TMEM181: variants seen among roughly 807,000 people sequenced by gnomAD.
TMEM181 encodes G protein-coupled receptor 178.
TMEM181 carries 39 observed loss-of-function variants against 71.9 expected under a neutral mutation model. That is an observed-to-expected ratio of 0.54 (90% CI 0.42 to 0.71). The LOEUF (loss-of-function observed/expected upper bound fraction) is 0.71, where lower values mean the gene tolerates loss of function less well. Among genes scored for constraint, TMEM181 ranks in the 30% least tolerant of loss-of-function variants. TMEM181 has a pLI of 0.00. For synonymous variants in TMEM181, 245 were observed against 228.8 expected (o/e 1.07, Z -0.64); for missense variants, 595 against 583.0 (o/e 1.02, Z -0.21).
chr6:158,560,003 G>A, upstream of TMEM181: 1 of 975,912 alleles, frequency 1.0e-6, no homozygotes, highest in Non-Finnish European at 1.2e-6. Context: ...CCCTCGCCGC[G>A]CGCCCGCGGC....
upstream of TMEM181, among the ~76,000 whole-genome samples, chr6:158,555,107 T>C (rs1781837500): frequency 6.6e-6 from 1 of 152,242 alleles, no homozygotes; most frequent in Admixed American, 6.5e-5. Context: ...CAAATGTATC[T>C]TTTGTTTGCC....
rs1320563097 is a variant in TMEM181 at position 158,608,679 on chromosome 6, T to G, written c.825T>G (p.Thr275=). ...IRVQGERKCL[T]FYLPKFFIVG... is the part of the protein sequence containing the mutation. ...TTTAGGGAGAAAGAAAGTGTTTAAC[T>G]TTCTATTTGCCTAAATTCTTCATTG... Residue 275 remains threonine (T), a synonymous_variant, in exon 10 of 17, where the codon ACT becomes ACG. Coordinates refer to ENST00000684151, the MANE Select transcript of TMEM181 (RefSeq NM_001376852.1). The G allele has an allele frequency of 6.2e-7, 1 of 1,610,888 alleles. No individual in the cohort carries two copies. The highest frequency in any genetic ancestry group is 8.5e-7 in the Non-Finnish European group (1 of 1,179,302).
At chr6:158,587,572 C>T (rs1783839303) in intron 5 of TMEM181, among the ~76,000 whole-genome samples, 1 of 151,878 alleles carries the variant, frequency 6.6e-6, no homozygotes, top group African/African-American at 2.4e-5. Flanking sequence ...TCAAGCAATC[C>T]TCCTGCTTCA....
intron 1 of TMEM181, among the ~76,000 whole-genome samples, chr6:158,541,670 A>G (rs1411297424): frequency 2.0e-5 from 3 of 152,134 alleles, no homozygotes; most frequent in Non-Finnish European, 4.4e-5. Context: ...ATCAGGTTAC[A>G]TTCAGGTTTA....
chr6:158,563,541 A>C (rs1782308385), intron 1 of TMEM181, among the ~76,000 whole-genome samples: 1 of 152,220 alleles, frequency 6.6e-6, no homozygotes, highest in Admixed American at 6.5e-5. Context: ...CCTAACCACC[A>C]GGCTGCACTG....
At chr6:158,586,221 C>G (rs1783765764) in intron 5 of TMEM181, among the ~76,000 whole-genome samples, 1 of 152,146 alleles carries the variant, frequency 6.6e-6, no homozygotes, top group South Asian at 2.1e-4. Flanking sequence ...GTTCAGAGTC[C>G]AAAGAATCAG....
At chr6:158,625,913 C>T (rs529802663) in intron 13 of TMEM181, among the ~76,000 whole-genome samples, 159 bp downstream of exon 13, 2 of 152,310 alleles carry the variant, frequency 1.3e-5, no homozygotes, top group South Asian at 4.1e-4. Context: ...CAGCCGAGAG[C>T]AGCCGTCAGC....
rs528122139 is a variant in TMEM181, at chr6:158,571,499, C to T, written c.9-1921C>T. 1.5e-4 allele frequency among the ~76,000 whole-genome samples: 21 copies of T among 140,838 alleles called. 3 individuals are homozygous for T. Among genetic ancestry groups the T allele is most frequent in the African/African-American group, 2.5e-4 (10 of 39,228 alleles). The allele number at this position is 140,838 out of a possible 152,430, so 92.4% of individuals were successfully genotyped here. A position where few individuals can be genotyped will look rare whatever the true frequency, so the allele number is the denominator to read the frequency against. On this transcript the variant is annotated intron_variant, in intron 1 of 16. Transcript: ENST00000684151. ...ATTTTTAGTAGAGACGGGGTTTCAT[C>T]GTGTTGGCCAGGATGGTCTCAATCT...
intron 6 of TMEM181, among the ~76,000 whole-genome samples, chr6:158,605,052 T>A (rs1784866746): frequency 6.7e-6 from 1 of 150,122 alleles, no homozygotes; most frequent in South Asian, 2.1e-4. Context: ...AGGCGGAGGT[T>A]GCAGTGAGCG....
chr6:158,631,783 C>A, intron 16 of TMEM181, 27 bp from the exon 17 acceptor site: 2 of 1,576,526 alleles, frequency 1.3e-6, no homozygotes, highest in Non-Finnish European at 1.7e-6. Context: ...AGAAGTTAGA[C>A]GGTCTCAAAG....
intron 1 of TMEM181, 101 bp downstream of exon 1, chr6:158,560,333 C>T (rs926354130): frequency 7.1e-6 from 7 of 984,278 alleles, no homozygotes; most frequent in Middle Eastern, 5.2e-4. Flanking sequence ...GGGTCCCTGG[C>T]GCCCACGTGG....
At chr6:158,600,776 G>A (rs976887927) in intron 6 of TMEM181, among the ~76,000 whole-genome samples, 9 of 151,936 alleles carry the variant, frequency 5.9e-5, no homozygotes, top group Non-Finnish European at 8.8e-5. Context: ...CGGCCCTAGT[G>A]GTAATTTTTA....
At chr6:158,546,218 C>T (rs1277289969) in intron 1 of TMEM181, among the ~76,000 whole-genome samples, 1 of 152,176 alleles carries the variant, frequency 6.6e-6, no homozygotes, top group African/African-American at 2.4e-5. Flanking sequence ...GGAGACTGTC[C>T]TCAGCTTCTG....
At chr6:158,559,997 C>G (rs1562619633), upstream of TMEM181, 17 of 965,696 alleles carry the variant, frequency 1.8e-5, no homozygotes, top group Non-Finnish European at 2.1e-5. Flanking sequence ...CCACCCCCCT[C>G]GCCGCGCGCC....
At chr6:158,566,226 G>T (rs1018913689) in intron 1 of TMEM181, among the ~76,000 whole-genome samples, 3 of 152,118 alleles carry the variant, frequency 2.0e-5, no homozygotes, top group African/African-American at 7.2e-5. Flanking sequence ...AGCCAAACGG[G>T]CATGCCAAGT....
upstream of TMEM181, among the ~76,000 whole-genome samples, chr6:158,555,888 ACAAG>A (rs1157174985): frequency 1.3e-5 from 2 of 152,190 alleles, no homozygotes; most frequent in African/African-American, 4.8e-5. Context: ...TTTTTCAGAA[ACAAG>A]CAAGGGAAAA....
rs757794591 is a variant in TMEM181, at chr6:158,625,223, G to C, written c.1057+17G>C. 1.2e-6 allele frequency: 2 copies of C among 1,610,644 alleles called. No individual in the cohort carries two copies. Among genetic ancestry groups the C allele is most frequent in the African/African-American group, 1.3e-5 (1 of 74,848 alleles). ...CTTATGTGGGTAAGTGCTCCTTTCA[G>C]AATCGGTGCAGGGGTGGCTTGGGAG... On this transcript the variant is annotated intron_variant, in intron 12 of 16. Coordinates refer to ENST00000684151, the MANE Select transcript of TMEM181 (RefSeq NM_001376852.1).
Position 158,620,090 on chromosome 6 carries a change from A to T in TMEM181, c.897-3460A>T, listed in dbSNP as rs1462927922. ...GGACCAGGCCATATTGCAATAAAAA[A>T]CTAAACACTTTGGCTTTAGGAGTCC... On this transcript the variant is annotated intron_variant, in intron 10 of 16. Coordinates refer to ENST00000684151, the MANE Select transcript of TMEM181 (RefSeq NM_001376852.1). The surrounding 1 kb of genome is among the most constrained non-coding windows in gnomAD (Gnocchi z 4.5). Among the ~76,000 whole-genome samples, 1 of 152,120 alleles carries T rather than the reference A, an allele frequency of 6.6e-6. No homozygotes were observed. The highest frequency in any genetic ancestry group is 1.5e-5 in the Non-Finnish European group (1 of 68,018).
intron 1 of TMEM181, among the ~76,000 whole-genome samples, chr6:158,561,975 T>G (rs139207611): frequency 4.4e-4 from 67 of 152,252 alleles, no homozygotes; most frequent in African/African-American, 1.3e-3. Context: ...GTGTTCTCTG[T>G]CCTTGTCTGG....
Sources: gnomAD v4.1 joint callset for allele counts (sites outside exome capture counted in the v4.1 genomes callset) on GRCh38, gnomAD v4.1.1 for gene constraint, Gnocchi (gnomAD v3.1) non-coding constraint, MANE v1.5 for transcripts, NCBI Gene and HGNC (gene_info 2026-07-23, HGNC 2026-07-21) for gene names.